Variants in ZNF786 observed in about 807,000 individuals in gnomAD.
ZNF786 encodes zinc finger protein 786.
A neutral mutation model predicts 63.1 loss-of-function variants in ZNF786; 56 were observed. The ratio of observed to expected loss-of-function variants is 0.89; its 90% CI spans 0.72 to 1.11. ZNF786 has a LOEUF of 1.11. Ranked by LOEUF, ZNF786 falls within the 50% of genes least tolerant of loss-of-function variation. ZNF786 has a pLI of 0.00. For synonymous variants in ZNF786, 485 were observed against 406.9 expected (o/e 1.19, Z -2.31); for missense variants, 1,213 against 1,041.8 (o/e 1.16, Z -2.26).
chr7:149,080,535 T>G, intron 2 of ZNF786, 56 bp downstream of exon 2: 1 of 1,461,118 alleles, frequency 6.8e-7, no homozygotes, highest in Non-Finnish European at 9.0e-7. Flanking sequence ...CAAGTGACTG[T>G]GACCCCTTAC....
intron 1 of ZNF786, among the ~76,000 whole-genome samples, chr7:149,083,203 G>C (rs1825680231): frequency 6.7e-6 from 1 of 150,088 alleles, no homozygotes; most frequent in East Asian, 2.0e-4. Flanking sequence ...AGCCAGCCTA[G>C]TCATCTTTAA....
Position 149,072,014 on chromosome 7 carries a change from A to G in ZNF786, c.758T>C (p.Leu253Pro). Residue 253 changes from leucine to proline, a missense_variant, in exon 4 of 4, where the codon CTG (leucine) becomes CCG (proline). By Grantham distance (98) the Leu-to-Pro change is moderately conservative (BLOSUM62 -3). Transcript: ENST00000491431. ...GGCCGCCAGATGGCGCAGCAGACAC[A>G]GCTTCCGGCGGAAGCTCTTACCGCA... ...GVCGKSFRRK[L>P]CLLRHLAAHT... The G allele has an allele frequency of 6.2e-7, 1 of 1,613,022 alleles. No homozygotes were observed. The highest frequency in any genetic ancestry group is 8.5e-7 in the Non-Finnish European group (1 of 1,179,816).
In ZNF786 at chr7:149,072,272, C is replaced by A; in HGVS notation, c.500G>T (p.Gly167Val). Residue 167 changes from glycine (G) to valine (V), a missense_variant, in exon 4 of 4, where the codon GGT (glycine) becomes GTT (valine). Gly to Val is a moderately radical substitution (Grantham distance 109). Transcript: ENST00000491431. ...SESTLKEGIP[G>V]PRNLDLPGLW... ...ACCAGGAAGATCCAGATTTCTGGGA[C>A]CTGGGATTCCTTCTTTTAGGGTAGA... 1 of 1,613,542 alleles carries A rather than the reference C, an allele frequency of 6.2e-7. No homozygotes were observed. Among genetic ancestry groups the A allele is most frequent in the Non-Finnish European group, 8.5e-7 (1 of 1,179,768 alleles).
intron 1 of ZNF786, among the ~76,000 whole-genome samples, chr7:149,088,474 T>C (rs1286009706): frequency 6.6e-6 from 1 of 152,246 alleles, no homozygotes; most frequent in Non-Finnish European, 1.5e-5. Context: ...CAATTTTGCA[T>C]AGCACTATGA....
intron 1 of ZNF786, among the ~76,000 whole-genome samples, chr7:149,086,350 G>A (rs1402654864): frequency 1.3e-5 from 2 of 152,160 alleles, no homozygotes; most frequent in African/African-American, 2.4e-5. Flanking sequence ...GAAGGGGGCT[G>A]GGCACGGTGG....
In ZNF786 at chr7:149,070,506, T is replaced by G. The variant is rs771242920; in HGVS notation, c.2266A>C (p.Lys756Gln). 9.9e-6 allele frequency: 16 copies of G among 1,614,058 alleles called. No individual in the cohort carries two copies. The South Asian group carries it at 1.8e-4, about 18-fold the overall frequency. ...AGTTCATTTGGAGCAGGACAGGATT[T>G]TGTGTGTACTCTGATGTGCTCCGCA... ...KLAEHIRVHT[K>Q]SCPAPNELDI... Residue 756 changes from lysine (K) to glutamine (Q), a missense_variant, in exon 4 of 4, where the codon AAA becomes CAA. By Grantham distance (53) the Lys-to-Gln change is moderately conservative. Coordinates refer to ENST00000491431, the MANE Select transcript of ZNF786 (RefSeq NM_152411.4).
chr7:149,078,487 C>T (rs908191114), intron 2 of ZNF786, among the ~76,000 whole-genome samples: 3 of 151,930 alleles, frequency 2.0e-5, no homozygotes, highest in Non-Finnish European at 4.4e-5. Flanking sequence ...GAGTTTGAGA[C>T]CAGCCTGACC....
intron 2 of ZNF786, among the ~76,000 whole-genome samples, chr7:149,077,812 T>C (rs1286701222): frequency 2.6e-5 from 4 of 151,346 alleles, no homozygotes; most frequent in African/African-American, 9.7e-5. Flanking sequence ...GATGAAAGCA[T>C]GAGAAACAGT....
At position 149,070,302 on chromosome 7, in the gene ZNF786, A is replaced by G; in HGVS notation, c.*121T>C. ...TCTTCATATTCCTAACTTGCATGACACTCTTGCTCAAAGAAGGATACCTGC... is the reference window on the plus strand; with the variant it reads ...TCTTCATATTCCTAACTTGCATGACGCTCTTGCTCAAAGAAGGATACCTGC... On this transcript the variant is annotated 3_prime_UTR_variant, in exon 4 of 4. Transcript: ENST00000491431. 7.8e-7 allele frequency: 1 copy of G among 1,282,938 alleles called. No individual in the cohort carries two copies. The highest frequency in any genetic ancestry group is 1.1e-6 in the Non-Finnish European group (1 of 927,850). 79.5% of individuals were successfully genotyped at this position (1,282,938 alleles called of 1,614,324 possible). A position where few individuals can be genotyped will look rare whatever the true frequency, so the allele number is the denominator to read the frequency against.
rs191319696 is a variant in ZNF786 at position 149,084,349 on chromosome 7, C to G, written c.19-3632G>C. Among the ~76,000 whole-genome samples, 269 of 139,416 alleles carry G rather than the reference C, an allele frequency of 1.9e-3. 1 individual carries two copies. The highest frequency in any genetic ancestry group is 7.3e-3 in the African/African-American group (254 of 34,844). The allele number at this position is 139,416 out of a possible 152,430, so 91.5% of individuals were successfully genotyped here. On this transcript the variant is annotated intron_variant, in intron 1 of 3. Coordinates refer to ENST00000491431, the MANE Select transcript of ZNF786 (RefSeq NM_152411.4). ...CCTGGACAACAGAGCAAAACTGCAT[C>G]CCAAAAAAAAAAAAAAAAAAAAAAG...
chr7:149,077,365 C>G (rs981955581), intron 2 of ZNF786, among the ~76,000 whole-genome samples: 1 of 152,186 alleles, frequency 6.6e-6, no homozygotes, highest in Admixed American at 6.5e-5. Context: ...TGGTGACTCA[C>G]GCCTGTAATC....
chr7:149,089,613 G>A (rs1436525116), intron 1 of ZNF786, among the ~76,000 whole-genome samples: 4 of 151,960 alleles, frequency 2.6e-5, no homozygotes, highest in Admixed American at 6.6e-5. Context: ...CACGGCGCCT[G>A]GCCTGAATGT....
At chr7:149,084,436 T>C (rs1053969112) in intron 1 of ZNF786, among the ~76,000 whole-genome samples, 1 of 151,852 alleles carries the variant, frequency 6.6e-6, no homozygotes, top group Admixed American at 6.6e-5. Context: ...GCTGAACTAA[T>C]TTACATTCCC....
intron 3 of ZNF786, among the ~76,000 whole-genome samples, chr7:149,073,749 A>G (rs10259512): frequency 0.6 from 30,763 of 51,338 alleles, 7,203 homozygotes; most frequent in East Asian, 0.75. Flanking sequence ...GTGTGTGTGT[A>G]TATATATATA....
At chr7:149,081,472 A>T (rs1431490145) in intron 1 of ZNF786, among the ~76,000 whole-genome samples, 2 of 149,124 alleles carry the variant, frequency 1.3e-5, no homozygotes, top group African/African-American at 5.0e-5. Flanking sequence ...AAGTGTTCTC[A>T]TGCGCTTTCT....
chr7:149,074,926 G>C (rs1055945473), intron 2 of ZNF786, among the ~76,000 whole-genome samples: 2 of 151,680 alleles, frequency 1.3e-5, no homozygotes, highest in Non-Finnish European at 2.9e-5. Flanking sequence ...CTGTAGCCTC[G>C]GCTTCCTGGG....
At chr7:149,075,266 A>T (rs1825522923) in intron 2 of ZNF786, among the ~76,000 whole-genome samples, 1 of 152,210 alleles carries the variant, frequency 6.6e-6, no homozygotes, top group South Asian at 2.1e-4. Flanking sequence ...TGTTTTAGAT[A>T]GGGTCTCACT....
chr7:149,072,359 A>C lies in ZNF786; in HGVS notation c.413T>G (p.Leu138Arg). ...GGCGTCGTGTCTCTGTGGGCTCCCG[A>C]GGGTGATGCCTTGGTCAGGCCTGAA... Reference protein sequence around the residue: ...VSFRPDQGITLGSPQRHDARA... With the variant: ...VSFRPDQGITRGSPQRHDARA... The change falls in exon 4 of 4, where the codon CTC (leucine) becomes CGC (arginine). Residue 138 changes from leucine to arginine, a missense_variant. Transcript: ENST00000491431. 1 of 1,613,582 alleles carries C rather than the reference A, an allele frequency of 6.2e-7. No individual in the cohort carries two copies. Among genetic ancestry groups the C allele is most frequent in the Non-Finnish European group, 8.5e-7 (1 of 1,179,754 alleles).
At position 149,070,259 on chromosome 7, in the gene ZNF786, G is replaced by T; in HGVS notation, c.*164C>A. On this transcript the variant is annotated 3_prime_UTR_variant, in exon 4 of 4. Coordinates refer to ENST00000491431, the MANE Select transcript of ZNF786 (RefSeq NM_152411.4). ...AAATATAATTGGTGATGCTTCTGAAGAGAAAATCCTTTGTGGTTCTTCATA... is the reference window on the plus strand; with the variant it reads ...AAATATAATTGGTGATGCTTCTGAATAGAAAATCCTTTGTGGTTCTTCATA... The T allele has an allele frequency of 1.2e-5, 10 of 821,038 alleles. No homozygotes were observed. The highest frequency in any genetic ancestry group is 1.7e-5 in the Non-Finnish European group (9 of 531,362). The allele number at this position is 821,038 out of a possible 1,614,324, so 50.9% of individuals were successfully genotyped here. A position where few individuals can be genotyped will look rare whatever the true frequency, so the allele number is the denominator to read the frequency against.
Sources: allele counts gnomAD v4.1 joint callset (sites outside exome capture counted in the v4.1 genomes callset), GRCh38; gene constraint gnomAD v4.1.1; transcripts MANE v1.5; gene names NCBI Gene and HGNC (gene_info 2026-07-23, HGNC 2026-07-21).